The following JAKMIP1 variants were observed in gnomAD, a reference collection of about 807,000 sequenced individuals.
JAKMIP1 encodes janus kinase and microtubule interacting protein 1, also known as janus kinase and microtubule-interacting protein 1.
A neutral mutation model predicts 113.0 loss-of-function variants in JAKMIP1; 33 were observed. The ratio of observed to expected loss-of-function variants is 0.29; its 90% CI spans 0.22 to 0.39. The LOEUF is 0.39. Ranked by LOEUF, JAKMIP1 falls within the 10% of genes least tolerant of loss-of-function variation. The probability of loss-of-function intolerance (pLI) is 1.00; values close to 1 mark genes in which losing one functional copy is unlikely to be tolerated. For synonymous variants in JAKMIP1, 480 were observed against 459.9 expected, an observed-to-expected ratio of 1.04 and a Z score of -0.56; for missense variants, 813 against 1,080.5, an observed-to-expected ratio of 0.75 and a Z score of 3.47.
intron 2 of JAKMIP1, among the ~76,000 whole-genome samples, chr4:6,110,772 C>A (rs185459674): frequency 2.0e-4 from 30 of 150,764 alleles, no homozygotes; most frequent in African/African-American, 5.6e-4. Flanking sequence ...AGACCTCAGG[C>A]AGGGGTGGTG....
chr4:6,175,129 T>A (rs79818218), intron 1 of JAKMIP1, among the ~76,000 whole-genome samples: 21,949 of 152,028 alleles, frequency 0.14, 1,791 homozygotes, highest in South Asian at 0.25. Flanking sequence ...TCCCCTCACC[T>A]GCCAAACTGA....
intron 10 of JAKMIP1, among the ~76,000 whole-genome samples, chr4:6,060,708 G>A (rs1717155771): frequency 6.6e-6 from 1 of 152,222 alleles, no homozygotes; most frequent in African/African-American, 2.4e-5. Flanking sequence ...ATTAAGAAGA[G>A]AACAGCCTTG....
chr4:6,041,306 C>T (rs1441348250), intron 17 of JAKMIP1, among the ~76,000 whole-genome samples: 1 of 152,174 alleles, frequency 6.6e-6, no homozygotes, highest in Non-Finnish European at 1.5e-5. Flanking sequence ...AGGAAAGAGC[C>T]AGGGAGGACC....
At chr4:6,087,020 T>A (rs1022534502) in intron 3 of JAKMIP1, among the ~76,000 whole-genome samples, 2 of 152,154 alleles carry the variant, frequency 1.3e-5, no homozygotes, top group Non-Finnish European at 2.9e-5. Flanking sequence ...TAGGAACACA[T>A]TTCTGTCATG....
chr4:6,111,059 C>T (rs983625332), intron 2 of JAKMIP1, among the ~76,000 whole-genome samples: 4 of 152,052 alleles, frequency 2.6e-5, no homozygotes, highest in African/African-American at 9.7e-5. Flanking sequence ...CCCCAAGTTC[C>T]AGAAGCCCAG....
At chr4:6,054,590 C>T (rs1253105428) in intron 12 of JAKMIP1, among the ~76,000 whole-genome samples, 1 of 152,138 alleles carries the variant, frequency 6.6e-6, no homozygotes, top group African/African-American at 2.4e-5. Flanking sequence ...CCAGCTGCGG[C>T]AGGGAGGGCC....
chr4:6,157,339 G>GTTC lies in JAKMIP1; in HGVS notation c.-148+42913_-148+42914insGAA, dbSNP rs1722372403. 6.6e-6 allele frequency among the ~76,000 whole-genome samples: 1 copy of GTTC among 152,174 alleles called. No homozygotes were observed. The highest frequency in any genetic ancestry group is 1.5e-5 in the Non-Finnish European group (1 of 68,028). On this transcript the variant is annotated intron_variant, in intron 1 of 20. Transcript: ENST00000409021. The surrounding 1 kb of genome is among the most constrained non-coding windows in gnomAD (Gnocchi z 4.7). ...CCTCTGCAAAAAGGCGCACGGGATG[G>GTTC]GAAGCTGGCGCACAACACAGGGTTG...
In JAKMIP1 at chr4:6,084,988, A is replaced by G. The variant is rs920809527; in HGVS notation, c.835-23T>C. ...ATCCTAAAAAAAAAAAAAAAAAAAA[A>G]AAAAAAGTCAAGACGTAAATGTACT... On this transcript the variant is annotated intron_variant, in intron 4 of 20. Transcript: ENST00000409021. 3 of 1,549,822 alleles carry G rather than the reference A, an allele frequency of 1.9e-6. No homozygotes were observed. In the African/African-American group the frequency reaches 4.2e-5, roughly 22 times the overall value.
intron 8 of JAKMIP1, among the ~76,000 whole-genome samples, chr4:6,073,485 T>C (rs553734401): frequency 1.6e-3 from 244 of 152,280 alleles, no homozygotes; most frequent in Middle Eastern, 0.014. Context: ...GGATGATTAC[T>C]GCAAAGGGCA....
chr4:6,105,134 A>C (rs1484624555), intron 3 of JAKMIP1, among the ~76,000 whole-genome samples: 2 of 152,168 alleles, frequency 1.3e-5, no homozygotes, highest in Non-Finnish European at 2.9e-5. Flanking sequence ...GCCTGCCCTG[A>C]CCTGTGGCAT....
intron 16 of JAKMIP1, among the ~76,000 whole-genome samples, chr4:6,043,097 C>T (rs1714550208): frequency 6.6e-6 from 1 of 151,994 alleles, no homozygotes; most frequent in South Asian, 2.1e-4. Context: ...GAGATCAGGG[C>T]ACCTAGGGGT....
At position 6,088,204 on chromosome 4, in the gene JAKMIP1, G is replaced by A. The variant is rs1171516962; in HGVS notation, c.625-2575C>T. 6.6e-6 allele frequency among the ~76,000 whole-genome samples: 1 copy of A among 152,178 alleles called. No individual in the cohort carries two copies. The highest frequency in any genetic ancestry group is 2.4e-5 in the African/African-American group (1 of 41,426). On this transcript the variant is annotated intron_variant, in intron 3 of 20. Coordinates refer to ENST00000409021, the MANE Select transcript of JAKMIP1 (RefSeq NM_001099433.2). The surrounding 1 kb of genome is among the most constrained non-coding windows in gnomAD (Gnocchi z 5.5). ...AGGGGCTTCTATTCTGCTAGTGGGC[G>A]GAGCAGGCAATAAACATAATAAATA...
chr4:6,155,422 T>A lies in JAKMIP1; in HGVS notation c.-147-42425A>T, dbSNP rs946369717. 3.3e-5 allele frequency among the ~76,000 whole-genome samples: 5 copies of A among 152,204 alleles called. No homozygotes were observed. The highest frequency in any genetic ancestry group is 1.2e-4 in the African/African-American group (5 of 41,460). On this transcript the variant is annotated intron_variant, in intron 1 of 20. Coordinates refer to ENST00000409021, the MANE Select transcript of JAKMIP1 (RefSeq NM_001099433.2). The surrounding 1 kb of genome is among the most constrained non-coding windows in gnomAD (Gnocchi z 6.1). ...AGGTATTCTAGAGATTTAAAAAGTA[T>A]GGAAAGGCTAAAACACTTGTCCAAA...
intron 1 of JAKMIP1, among the ~76,000 whole-genome samples, chr4:6,191,945 A>ATTTATTTATTTATTTATTTATTTT (rs1727317128): frequency 6.6e-6 from 1 of 151,008 alleles, no homozygotes; most frequent in Non-Finnish European, 1.5e-5. Context: ...TTATTTATTT[A>ATTTATTTATTTATTTATTTATTTT]TTTTGAGATG....
Position 6,106,117 on chromosome 4 carries a change from G to A in JAKMIP1, c.130-150C>T. Reference sequence around the variant, plus strand: ...TCCCATGGATTCCCCCTTCGGCAGTGCCCTGCAGGCCTGACCCTCCTGCCA... The same window carrying A: ...TCCCATGGATTCCCCCTTCGGCAGTACCCTGCAGGCCTGACCCTCCTGCCA... On this transcript the variant is annotated intron_variant, in intron 2 of 20. Coordinates refer to ENST00000409021, the MANE Select transcript of JAKMIP1 (RefSeq NM_001099433.2). This position sits in a 1 kb window ranked among gnomAD's most constrained non-coding sequence, Gnocchi z 5.9. 1 of 601,974 alleles carries A rather than the reference G, an allele frequency of 1.7e-6. No homozygotes were observed. The highest frequency in any genetic ancestry group is 2.9e-6 in the Non-Finnish European group (1 of 342,576). 37.3% of individuals were successfully genotyped at this position (601,974 alleles called of 1,614,324 possible). A position where few individuals can be genotyped will look rare whatever the true frequency, so the allele number is the denominator to read the frequency against.
chr4:6,121,529 C>T (rs1048619554), intron 1 of JAKMIP1, among the ~76,000 whole-genome samples: 1 of 152,202 alleles, frequency 6.6e-6, no homozygotes, highest in Non-Finnish European at 1.5e-5. Context: ...CAAAACTGCA[C>T]GACTAAATCC....
rs937026951 is a variant in JAKMIP1 at position 6,157,963 on chromosome 4, T to G, written c.-148+42290A>C. Among the ~76,000 whole-genome samples the G allele has an allele frequency of 6.6e-6, 1 of 152,246 alleles. No individual in the cohort carries two copies. The stretch of plus-strand genomic sequence containing the variant: ...CAACAGCTTTCTTTCTATGGATCAC[T>G]TCATTCTCCCAAAGAACACAGCTTC... On this transcript the variant is annotated intron_variant, in intron 1 of 20. Coordinates refer to ENST00000409021, the MANE Select transcript of JAKMIP1 (RefSeq NM_001099433.2). The surrounding 1 kb of genome is among the most constrained non-coding windows in gnomAD (Gnocchi z 4.7).
rs554193337 is a variant in JAKMIP1 at position 6,113,464 on chromosome 4, C to G, written c.-147-467G>C. On this transcript the variant is annotated intron_variant, in intron 1 of 20. Coordinates refer to ENST00000409021, the MANE Select transcript of JAKMIP1 (RefSeq NM_001099433.2). ...ATTTCCATCCACAATCCCAGCAATT[C>G]TGGAGCAGGGCGTGAGGACCACACT... 3.3e-5 allele frequency among the ~76,000 whole-genome samples: 5 copies of G among 152,330 alleles called. No individual in the cohort carries two copies. In the East Asian group the frequency reaches 9.7e-4, roughly 29 times the overall value.
In JAKMIP1 at chr4:6,180,660, C is replaced by G. The variant is rs1402787168; in HGVS notation, c.-148+19593G>C. ...TGTGACAAGGGTATTCTTAGTACCC[C>G]CATTTTAATGGACCAGCAGGAAGGG... On this transcript the variant is annotated intron_variant, in intron 1 of 20. Coordinates refer to ENST00000409021, the MANE Select transcript of JAKMIP1 (RefSeq NM_001099433.2). This position sits in a 1 kb window ranked among gnomAD's most constrained non-coding sequence, Gnocchi z 4.5. Among the ~76,000 whole-genome samples the G allele has an allele frequency of 6.6e-6, 1 of 152,158 alleles. No homozygotes were observed. Among genetic ancestry groups the G allele is most frequent in the Non-Finnish European group, 1.5e-5 (1 of 68,042 alleles).
Sources: allele counts gnomAD v4.1 joint callset (sites outside exome capture counted in the v4.1 genomes callset), GRCh38; gene constraint gnomAD v4.1.1; non-coding constraint Gnocchi (gnomAD v3.1); transcripts MANE v1.5; gene names NCBI Gene and HGNC (gene_info 2026-07-23, HGNC 2026-07-21).